KIF16B: variants seen among roughly 807,000 people sequenced by gnomAD.
KIF16B encodes kinesin family member 16B, also known as kinesin-like protein KIF16B.
A neutral mutation model predicts 156.3 loss-of-function variants in KIF16B; 98 were observed. The ratio of observed to expected loss-of-function variants is 0.63; its 90% CI spans 0.53 to 0.74. The LOEUF is 0.74. Ranked by LOEUF, KIF16B falls within the 30% of genes least tolerant of loss-of-function variation. The probability of loss-of-function intolerance (pLI) is 0.00; values close to 1 mark genes in which losing one functional copy is unlikely to be tolerated. For missense variants in KIF16B, 1,421 were observed against 1,606.5 expected, an observed-to-expected ratio of 0.88 and a Z score of 1.97; for synonymous variants, 564 against 583.7, an observed-to-expected ratio of 0.97 and a Z score of 0.49.
chr20:16,440,232 G>A (rs371902030), intron 12 of KIF16B, among the ~76,000 whole-genome samples: 50 of 152,206 alleles, frequency 3.3e-4, no homozygotes, highest in South Asian at 2.9e-3. Flanking sequence ...GGCCAAGACC[G>A]TCTCTTATCA....
chr20:16,544,649 C>A (rs561634440), intron 1 of KIF16B, among the ~76,000 whole-genome samples: 2 of 147,306 alleles, frequency 1.4e-5, no homozygotes, highest in Non-Finnish European at 3.0e-5. Context: ...TTCCAGGAAG[C>A]CTTCTCAGAC....
intron 1 of KIF16B, among the ~76,000 whole-genome samples, chr20:16,548,112 A>C (rs1408485655): frequency 6.6e-6 from 1 of 152,194 alleles, no homozygotes; most frequent in Non-Finnish European, 1.5e-5. Context: ...TAAAGGAGAA[A>C]ACAAACTATG....
chr20:16,338,187 G>A (rs1243458993), intron 23 of KIF16B, among the ~76,000 whole-genome samples: 1 of 152,124 alleles, frequency 6.6e-6, no homozygotes, highest in Non-Finnish European at 1.5e-5. Context: ...CCGTGAGGAA[G>A]CACTTCCGTG....
chr20:16,539,917 G>C (rs913470201), intron 1 of KIF16B, among the ~76,000 whole-genome samples: 2 of 152,220 alleles, frequency 1.3e-5, no homozygotes, highest in East Asian at 3.9e-4. Flanking sequence ...TAGCCTGGAA[G>C]ATTCTAAAGA....
At chr20:16,437,328 C>A (rs905606827) in intron 12 of KIF16B, among the ~76,000 whole-genome samples, 47 of 152,322 alleles carry the variant, frequency 3.1e-4, no homozygotes, top group Non-Finnish European at 6.2e-4. Context: ...CACTGGACAT[C>A]CAGTTTAGCT....
At chr20:16,424,145 C>G (rs1391696595) in intron 15 of KIF16B, among the ~76,000 whole-genome samples, 3 of 152,096 alleles carry the variant, frequency 2.0e-5, no homozygotes, top group Non-Finnish European at 4.4e-5. Flanking sequence ...ACTGAGTGCT[C>G]ACTGCTTTGG....
At chr20:16,484,710 C>A (rs180904478) in intron 12 of KIF16B, among the ~76,000 whole-genome samples, 1 of 152,174 alleles carries the variant, frequency 6.6e-6, no homozygotes. Flanking sequence ...AAATCATCCA[C>A]GCTAGTCTGC....
chr20:16,544,332 G>A (rs537348336), intron 1 of KIF16B, among the ~76,000 whole-genome samples: 7 of 152,160 alleles, frequency 4.6e-5, no homozygotes, highest in South Asian at 2.1e-4. Flanking sequence ...TTCCTCAGCC[G>A]GGCACTGTGG....
At chr20:16,297,924 G>A (rs912612492) in intron 25 of KIF16B, among the ~76,000 whole-genome samples, 1 of 151,980 alleles carries the variant, frequency 6.6e-6, no homozygotes, top group African/African-American at 2.4e-5. Context: ...TGCTCTTCCT[G>A]CCCCCAGGCT....
intron 22 of KIF16B, among the ~76,000 whole-genome samples, chr20:16,361,529 G>T (rs77390863): frequency 6.6e-6 from 1 of 152,172 alleles, no homozygotes; most frequent in Non-Finnish European, 1.5e-5. Flanking sequence ...TTGCCAAGAC[G>T]TGGCCATATA....
At chr20:16,422,858 T>C (rs1478192210) in intron 15 of KIF16B, among the ~76,000 whole-genome samples, 1 of 152,086 alleles carries the variant, frequency 6.6e-6, no homozygotes, top group African/African-American at 2.4e-5. Flanking sequence ...CTCCTCAAAT[T>C]ACATTTTAGC....
rs186998827 is a variant in KIF16B at position 16,443,496 on chromosome 20, C to T, written c.1303-13514G>A. On this transcript the variant is annotated intron_variant, in intron 12 of 25. Transcript: ENST00000354981. ...CTTTGAGAGTTCACACCATTTATATCGTAACAGAACACTTTACATGAACGC... is the reference window on the plus strand; with the variant it reads ...CTTTGAGAGTTCACACCATTTATATTGTAACAGAACACTTTACATGAACGC... Among the ~76,000 whole-genome samples the T allele has an allele frequency of 2.7e-4, 41 of 152,268 alleles. No individual in the cohort carries two copies. The East Asian group carries it at 7.7e-3, about 29-fold the overall frequency.
chr20:16,361,447 C>T lies in KIF16B; in HGVS notation c.3499-4995G>A, dbSNP rs191987504. ...TTTCCAGTAGAGAAGCCTGCCTTTG[C>T]TATGAGGGGATCTTGTCTTAATTAA... On this transcript the variant is annotated intron_variant, in intron 22 of 25. Coordinates refer to ENST00000354981, the MANE Select transcript of KIF16B (RefSeq NM_024704.5). Among the ~76,000 whole-genome samples, 43 of 152,302 alleles carry T rather than the reference C, an allele frequency of 2.8e-4. 1 individual carries two copies. The highest frequency in any genetic ancestry group is 1.0e-3 in the African/African-American group (42 of 41,562).
chr20:16,533,528 C>T (rs1193417955), intron 1 of KIF16B, among the ~76,000 whole-genome samples: 1 of 152,212 alleles, frequency 6.6e-6, no homozygotes, highest in Admixed American at 6.5e-5. Flanking sequence ...CTGGAAAACT[C>T]ACTAACCTTT....
chr20:16,299,032 T>A (rs960581356), intron 25 of KIF16B, among the ~76,000 whole-genome samples: 8 of 152,244 alleles, frequency 5.3e-5, no homozygotes, highest in African/African-American at 1.9e-4. Flanking sequence ...AAAACTGGTA[T>A]GGCTTCAACA....
intron 10 of KIF16B, among the ~76,000 whole-genome samples, chr20:16,498,034 C>G (rs2068503580): frequency 6.6e-6 from 1 of 152,142 alleles, no homozygotes; most frequent in Admixed American, 6.6e-5. Flanking sequence ...GGGACCATGC[C>G]TAAGTCTTGC....
chr20:16,381,953 G>T, intron 17 of KIF16B: 1 of 777,366 alleles, frequency 1.3e-6, no homozygotes, highest in Non-Finnish European at 2.0e-6. Flanking sequence ...CTTGAACTCA[G>T]GCTGAAAAGA....
intron 1 of KIF16B, among the ~76,000 whole-genome samples, chr20:16,536,014 T>C (rs1468468272): frequency 6.6e-6 from 1 of 152,110 alleles, no homozygotes; most frequent in East Asian, 1.9e-4. Context: ...AAGAAATCAA[T>C]ATATCAAAGG....
chr20:16,567,277 C>T (rs2071287776), intron 1 of KIF16B, among the ~76,000 whole-genome samples: 1 of 152,160 alleles, frequency 6.6e-6, no homozygotes, highest in South Asian at 2.1e-4. Context: ...GAGTATCAGC[C>T]AAGCACCTAA....
Sources: allele counts gnomAD v4.1 joint callset (sites outside exome capture counted in the v4.1 genomes callset), GRCh38; gene constraint gnomAD v4.1.1; transcripts MANE v1.5; gene names NCBI Gene and HGNC (gene_info 2026-07-23, HGNC 2026-07-21).